The following CRYBG3 variants were observed in gnomAD, a reference collection of about 807,000 sequenced individuals.
The protein encoded by CRYBG3 is very large A-kinase anchor protein.
Under a neutral mutation model 244.2 loss-of-function variants are expected in CRYBG3, and 127 were observed. The observed-to-expected ratio is 0.52, with a 90% CI of 0.45 to 0.60. CRYBG3 has a LOEUF of 0.60. CRYBG3 is among the 20% of genes least tolerant of loss of function. The probability of loss-of-function intolerance (pLI) is 0.00; values close to 1 mark genes in which losing one functional copy is unlikely to be tolerated. For synonymous variants in CRYBG3, 1,132 were observed against 1,195.8 expected (o/e 0.95, Z 1.10); for missense variants, 3,325 against 3,442.5 (o/e 0.97, Z 0.85).
intron 3 of CRYBG3, among the ~76,000 whole-genome samples, chr3:97,870,650 C>G (rs1472055638): frequency 2.0e-5 from 3 of 152,018 alleles, no homozygotes; most frequent in Admixed American, 6.6e-5. Flanking sequence ...AATTAGAGTT[C>G]AAAATGTAAA....
chr3:97,882,820 G>T (rs577011071), intron 7 of CRYBG3, among the ~76,000 whole-genome samples: 1 of 152,314 alleles, frequency 6.6e-6, no homozygotes, highest in South Asian at 2.1e-4. Context: ...TTATAAAGGT[G>T]TCTGCACATA....
intron 1 of CRYBG3, among the ~76,000 whole-genome samples, chr3:97,839,805 G>A (rs1031448018): frequency 2.0e-5 from 3 of 150,498 alleles, no homozygotes; most frequent in Non-Finnish European, 4.4e-5. Context: ...GTCTGGTCTC[G>A]AACTCTTAAT....
intron 7 of CRYBG3, among the ~76,000 whole-genome samples, chr3:97,882,881 ACAATATTTGTG>A (rs2039466785): frequency 6.6e-6 from 1 of 152,224 alleles, no homozygotes; most frequent in Admixed American, 6.5e-5. Context: ...CCTATATTTA[ACAATATTTGTG>A]TCTGCTTTTG....
intron 15 of CRYBG3, among the ~76,000 whole-genome samples, chr3:97,903,323 G>T (rs967205259): frequency 5.3e-5 from 8 of 152,132 alleles, no homozygotes; most frequent in African/African-American, 4.8e-5. Context: ...CTTCTTTGTG[G>T]CACTTTAACC....
At chr3:97,908,250 A>G (rs1347202979) in intron 15 of CRYBG3, among the ~76,000 whole-genome samples, 1 of 152,098 alleles carries the variant, frequency 6.6e-6, no homozygotes, top group Non-Finnish European at 1.5e-5. Context: ...AGTTCTGTAG[A>G]TGTCTATTAG....
At chr3:97,903,425 C>A (rs2039728095) in intron 15 of CRYBG3, among the ~76,000 whole-genome samples, 1 of 152,100 alleles carries the variant, frequency 6.6e-6, no homozygotes, top group African/African-American at 2.4e-5. Context: ...GAAATGAAAT[C>A]ATTGTAGAAT....
chr3:97,935,798 C>T (rs2040157911), intron 18 of CRYBG3, among the ~76,000 whole-genome samples: 1 of 152,024 alleles, frequency 6.6e-6, no homozygotes, highest in Non-Finnish European at 1.5e-5. Flanking sequence ...GACTACCTTG[C>T]CTGCTGCTGG....
intron 17 of CRYBG3, among the ~76,000 whole-genome samples, chr3:97,918,722 T>C (rs1022375838): frequency 1.3e-5 from 2 of 152,218 alleles, no homozygotes; most frequent in Non-Finnish European, 2.9e-5. Flanking sequence ...GCCTCCACTT[T>C]AGGCTTGTTA....
At chr3:97,828,022 G>A (rs1157705775) in intron 1 of CRYBG3, among the ~76,000 whole-genome samples, 1 of 152,186 alleles carries the variant, frequency 6.6e-6, no homozygotes, top group Admixed American at 6.5e-5. Flanking sequence ...AGAGTTGGGA[G>A]AGGAAAATAA....
chr3:97,893,565 T>C (rs1215235999), intron 11 of CRYBG3, among the ~76,000 whole-genome samples: 2 of 152,228 alleles, frequency 1.3e-5, no homozygotes, highest in African/African-American at 2.4e-5. Flanking sequence ...CCCAAATCTG[T>C]GATGGGCCTG....
intron 12 of CRYBG3, 90 bp from the exon 13 acceptor site, chr3:97,898,793 C>T: frequency 1.2e-6 from 1 of 832,508 alleles, no homozygotes; most frequent in Non-Finnish European, 1.8e-6. Context: ...GTAAAAATTA[C>T]CCCATCAGTA....
Position 97,888,472 on chromosome 3 carries a change from A to G in CRYBG3, c.7404+17A>G. The G allele has an allele frequency of 1.3e-6, 2 of 1,492,094 alleles. No homozygotes were observed. Among genetic ancestry groups the G allele is most frequent in the Non-Finnish European group, 9.3e-7 (1 of 1,069,830 alleles). 92.4% of individuals were successfully genotyped at this position (1,492,094 alleles called of 1,614,324 possible). ...CTTCAAATGGTAAGCAAATTTAAAA[A>G]GAAGCATTCCTTTTCCCAAGTACCC... On this transcript the variant is annotated intron_variant, in intron 9 of 21. Transcript: ENST00000389622.
intron 18 of CRYBG3, among the ~76,000 whole-genome samples, chr3:97,936,144 G>A (rs1412534207): frequency 2.6e-5 from 4 of 152,090 alleles, no homozygotes; most frequent in African/African-American, 7.2e-5. Context: ...AAGAGCAGCC[G>A]TAGGCAATCC....
intron 1 of CRYBG3, 54 bp from the exon 2 acceptor site, chr3:97,843,141 T>C: frequency 3.4e-6 from 4 of 1,187,840 alleles, no homozygotes; most frequent in Non-Finnish European, 4.7e-6. Context: ...AGAAAACTTT[T>C]AGTTTCGTAA....
rs780480735 is a variant in CRYBG3 at position 97,912,193 on chromosome 3, C to T, written c.8031C>T (p.Phe2677=). The change falls in exon 16 of 22, where the codon TTC becomes TTT. Residue 2677 remains phenylalanine (F), a synonymous_variant. Transcript: ENST00000389622. The stretch of plus-strand genomic sequence containing the variant: ...TCAAAGCATTCAGCAAACCAGGGTT[C>T]CAAGGTGAATGTATAGATTTTACAG... ...HLLKAFSKPG[F]QGECIDFTEE... is the part of the protein sequence containing the mutation. The T allele has an allele frequency of 6.2e-7, 1 of 1,601,932 alleles. No homozygotes were observed. Among genetic ancestry groups the T allele is most frequent in the South Asian group, 1.1e-5 (1 of 89,038 alleles).
intron 17 of CRYBG3, among the ~76,000 whole-genome samples, chr3:97,922,033 C>T (rs1307568083): frequency 6.6e-6 from 1 of 152,034 alleles, no homozygotes; most frequent in African/African-American, 2.4e-5. Flanking sequence ...CATAAATGAT[C>T]TTAGGAAGTA....
chr3:97,837,902 A>G (rs1340114420), intron 1 of CRYBG3, among the ~76,000 whole-genome samples: 1 of 152,084 alleles, frequency 6.6e-6, no homozygotes, highest in African/African-American at 2.4e-5. Flanking sequence ...TTATGTATGA[A>G]AGAAAGGCAT....
chr3:97,912,179 A>G lies in CRYBG3; in HGVS notation c.8017A>G (p.Ser2673Gly), dbSNP rs377031515. 2.5e-6 allele frequency: 4 copies of G among 1,595,020 alleles called. No individual in the cohort carries two copies. Among genetic ancestry groups the G allele is most frequent in the African/African-American group, 1.3e-5 (1 of 74,188 alleles). The change falls in exon 16 of 22, where the codon AGC (serine) becomes GGC (glycine). Residue 2673 changes from serine (S) to glycine (G), a missense_variant. This residue lies in a region of CRYBG3 where 714 missense variants were observed against 803.6 expected (regional missense o/e 0.89). Transcript: ENST00000389622. The part of the protein sequence containing the change: ...NEPPHLLKAF[S>G]KPGFQGECID... Reference sequence around the variant, plus strand: ...GTTGTTCTTGTAGCTCAAAGCATTCAGCAAACCAGGGTTCCAAGGTGAATG... The same window carrying G: ...GTTGTTCTTGTAGCTCAAAGCATTCGGCAAACCAGGGTTCCAAGGTGAATG...
intron 2 of CRYBG3, among the ~76,000 whole-genome samples, chr3:97,853,682 A>G (rs1006045083): frequency 3.3e-5 from 5 of 152,184 alleles, no homozygotes; most frequent in Non-Finnish European, 5.9e-5. Flanking sequence ...CCAGCAGTGT[A>G]AAAGTGTTCT....
Sources: gnomAD v4.1 joint callset for allele counts (sites outside exome capture counted in the v4.1 genomes callset) on GRCh38, gnomAD v4.1.1 for gene constraint, gnomAD v4.1.1 regional missense constraint, MANE v1.5 for transcripts, NCBI Gene and HGNC (gene_info 2026-07-23, HGNC 2026-07-21) for gene names.